Variants in SIPA1L1 observed in about 807,000 individuals in gnomAD.
SIPA1L1 encodes signal induced proliferation associated 1 like 1, also known as signal-induced proliferation-associated 1-like protein 1.
Under a neutral mutation model 162.7 loss-of-function variants are expected in SIPA1L1, and 26 were observed. The observed-to-expected ratio is 0.16, with a 90% confidence interval of 0.12 to 0.22. The LOEUF is 0.22. SIPA1L1 is among the 10% of genes least tolerant of loss of function. The pLI is 1.00. For synonymous variants in SIPA1L1, 829 were observed against 837.4 expected (o/e 0.99, Z 0.17); for missense variants, 1,874 against 2,241.0 (o/e 0.84, Z 3.31).
chr14:71,624,380 G>A, intron 7 of SIPA1L1, 144 bp downstream of exon 7: 1 of 688,324 alleles, frequency 1.5e-6, no homozygotes, highest in Non-Finnish European at 2.2e-6. Context: ...TACTCATTTT[G>A]TTTTTTCTTA....
chr14:71,453,048 C>T (rs2045938871), intron 2 of SIPA1L1, among the ~76,000 whole-genome samples: 1 of 152,102 alleles, frequency 6.6e-6, no homozygotes, highest in South Asian at 2.1e-4. Flanking sequence ...CTTTCTGTTC[C>T]ATGTTTAGTG....
chr14:71,506,173 A>G (rs143037498), intron 2 of SIPA1L1, among the ~76,000 whole-genome samples: 78 of 152,284 alleles, frequency 5.1e-4, no homozygotes, highest in Non-Finnish European at 8.7e-4. Context: ...ATAATTTTCT[A>G]TATATGTCTA....
intron 2 of SIPA1L1, among the ~76,000 whole-genome samples, chr14:71,367,156 A>G (rs1292325169): frequency 2.0e-5 from 3 of 152,096 alleles, no homozygotes; most frequent in Non-Finnish European, 4.4e-5. Flanking sequence ...ACTTAACAGC[A>G]TGTCTTCGAT....
chr14:71,517,303 A>G (rs1236094132), intron 3 of SIPA1L1, among the ~76,000 whole-genome samples: 2 of 152,162 alleles, frequency 1.3e-5, no homozygotes, highest in African/African-American at 4.8e-5. Flanking sequence ...TTGTAATGTA[A>G]TTAAAAAAAT....
At chr14:71,471,119 C>T (rs2047419856) in intron 2 of SIPA1L1, among the ~76,000 whole-genome samples, 1 of 151,890 alleles carries the variant, frequency 6.6e-6, no homozygotes, top group African/African-American at 2.4e-5. Context: ...GCTGGGATTA[C>T]AGGCGTGAGC....
intron 4 of SIPA1L1, among the ~76,000 whole-genome samples, chr14:71,547,834 GTC>G: frequency 6.6e-6 from 1 of 152,154 alleles, no homozygotes; most frequent in East Asian, 1.9e-4. Context: ...CCAAACCAAT[GTC>G]TGTTGCTCCA....
At chr14:71,410,759 TG>T (rs2042347534) in intron 2 of SIPA1L1, among the ~76,000 whole-genome samples, 1 of 152,266 alleles carries the variant, frequency 6.6e-6, no homozygotes, top group Middle Eastern at 3.4e-3. Context: ...TGAGTCAGGG[TG>T]GGGGGTAAGG....
At chr14:71,605,718 T>C (rs2037408800) in intron 5 of SIPA1L1, among the ~76,000 whole-genome samples, 1 of 152,220 alleles carries the variant, frequency 6.6e-6, no homozygotes, top group Non-Finnish European at 1.5e-5. Flanking sequence ...GAACTTTTGC[T>C]GGTGCCTAGG....
rs1595157699 is a variant in SIPA1L1 at position 71,387,056 on chromosome 14, C to A, written c.-465+65875C>A. Among the ~76,000 whole-genome samples, 3 of 152,040 alleles carry A rather than the reference C, an allele frequency of 2.0e-5. No individual in the cohort carries two copies. The South Asian group carries it at 6.2e-4, about 32-fold the overall frequency. ...CTGAGGTCAGGAGTTCGAGACCGGC[C>A]TGACCAACATGGAGAAACCCTGTCT... On this transcript the variant is annotated intron_variant, in intron 2 of 23. Transcript: ENST00000381232.
intron 2 of SIPA1L1, among the ~76,000 whole-genome samples, chr14:71,448,151 A>G (rs777578941): frequency 2.0e-5 from 3 of 152,198 alleles, no homozygotes; most frequent in Non-Finnish European, 2.9e-5. Flanking sequence ...TGGCTATTAC[A>G]TGGCAGCTGC....
intron 5 of SIPA1L1, among the ~76,000 whole-genome samples, chr14:71,614,675 A>C (rs1439352185): frequency 2.0e-5 from 3 of 152,230 alleles, no homozygotes. Flanking sequence ...TTAAAGCTAG[A>C]GTATGAAGAA....
intron 2 of SIPA1L1, among the ~76,000 whole-genome samples, chr14:71,502,682 C>G (rs1261500851): frequency 6.6e-6 from 1 of 152,006 alleles, no homozygotes; most frequent in Non-Finnish European, 1.5e-5. Flanking sequence ...TCCTAGTGAC[C>G]CATTTAATCC....
At chr14:71,575,500 G>A (rs750273388) in intron 4 of SIPA1L1, among the ~76,000 whole-genome samples, 2 of 152,146 alleles carry the variant, frequency 1.3e-5, no homozygotes, top group Non-Finnish European at 1.5e-5. Flanking sequence ...GGAGAGACTT[G>A]TGTGGGGAGA....
intron 2 of SIPA1L1, among the ~76,000 whole-genome samples, chr14:71,371,745 G>A (rs1011086869): frequency 2.0e-5 from 3 of 152,118 alleles, no homozygotes; most frequent in Non-Finnish European, 4.4e-5. Flanking sequence ...TTTTATTATA[G>A]GCATAATTGA....
At chr14:71,394,855 A>AT (rs1257503377) in intron 2 of SIPA1L1, among the ~76,000 whole-genome samples, 1 of 152,224 alleles carries the variant, frequency 6.6e-6, no homozygotes, top group Admixed American at 6.5e-5. Context: ...AATTTGTGTG[A>AT]TTCGTTTTAA....
At chr14:71,581,162 A>G (rs1308563934) in intron 4 of SIPA1L1, among the ~76,000 whole-genome samples, 1 of 151,898 alleles carries the variant, frequency 6.6e-6, no homozygotes, top group African/African-American at 2.4e-5. Context: ...GAAATTTCTT[A>G]GTTTAATAAA....
chr14:71,604,672 A>C (rs1228606865), intron 5 of SIPA1L1, among the ~76,000 whole-genome samples: 5 of 151,932 alleles, frequency 3.3e-5, no homozygotes, highest in African/African-American at 9.7e-5. Context: ...TGACAGGTTT[A>C]TTTATTTATT....
chr14:71,403,895 C>T (rs2041856622), intron 2 of SIPA1L1, among the ~76,000 whole-genome samples: 1 of 152,006 alleles, frequency 6.6e-6, no homozygotes, highest in Non-Finnish European at 1.5e-5. Context: ...TCCTGTAGGC[C>T]ACCTGGTGCC....
intron 2 of SIPA1L1, chr14:71,400,647 A>G (rs944443713): frequency 6.6e-6 from 1 of 151,262 alleles, no homozygotes; most frequent in East Asian, 1.9e-4. Context: ...ATACATATAT[A>G]TGTTAATATG....
Sources: allele counts gnomAD v4.1 joint callset (sites outside exome capture counted in the v4.1 genomes callset), GRCh38; gene constraint gnomAD v4.1.1; transcripts MANE v1.5; gene names NCBI Gene and HGNC (gene_info 2026-07-23, HGNC 2026-07-21).